Variants in GLT1D1 observed in about 807,000 individuals in gnomAD.
The protein encoded by GLT1D1 is glycosyltransferase 1 domain containing 1, also known as glycosyltransferase 1 domain-containing protein 1.
In GLT1D1, 21 loss-of-function variants were observed where a neutral mutation model predicts 28.7. The observed-to-expected ratio is 0.73, with a 90% CI of 0.52 to 1.05. The LOEUF is 1.05. GLT1D1 is among the 50% of genes least tolerant of loss of function. GLT1D1 has a pLI of 0.00. For missense variants in GLT1D1, 343 were observed against 330.6 expected (o/e 1.04, Z -0.29); for synonymous variants, 147 against 124.8 (o/e 1.18, Z -1.19).
At chr12:128,884,015 G>A (rs761591415) in intron 2 of GLT1D1, among the ~76,000 whole-genome samples, 12 of 152,022 alleles carry the variant, frequency 7.9e-5, no homozygotes, top group Admixed American at 1.3e-4. Context: ...ATATATCCTC[G>A]AAAAATGAAA....
At chr12:128,976,762 G>C (rs972998134) in intron 7 of GLT1D1, among the ~76,000 whole-genome samples, 23 of 152,158 alleles carry the variant, frequency 1.5e-4, no homozygotes, top group African/African-American at 5.6e-4. Context: ...TTTGCTTCTC[G>C]TGGAGGAGTT....
At chr12:128,892,242 C>G (rs1018350520) in intron 3 of GLT1D1, among the ~76,000 whole-genome samples, 1 of 151,996 alleles carries the variant, frequency 6.6e-6, no homozygotes, top group African/African-American at 2.4e-5. Flanking sequence ...ATTTGGGGGC[C>G]CAAGATATTT....
intron 7 of GLT1D1, among the ~76,000 whole-genome samples, chr12:128,976,640 C>T (rs1022462818): frequency 6.6e-6 from 1 of 152,182 alleles, no homozygotes; most frequent in East Asian, 1.9e-4. Context: ...GACTGTAGCT[C>T]ATCTTGGAAA....
At chr12:128,868,730 CATA>C (rs1256088279) in intron 1 of GLT1D1, among the ~76,000 whole-genome samples, 4 of 152,194 alleles carry the variant, frequency 2.6e-5, no homozygotes, top group Admixed American at 6.5e-5. Context: ...CGCCTAGAAG[CATA>C]ATGTGAGCCC....
intron 4 of GLT1D1, among the ~76,000 whole-genome samples, chr12:128,913,866 C>G (rs1871810587): frequency 6.6e-6 from 1 of 152,196 alleles, no homozygotes; most frequent in African/African-American, 2.4e-5. Flanking sequence ...ACATCAGTGT[C>G]CAGCTGGATA....
intron 2 of GLT1D1, among the ~76,000 whole-genome samples, chr12:128,887,986 T>C (rs1357306213): frequency 6.6e-6 from 1 of 151,154 alleles, no homozygotes. Flanking sequence ...GCTCATGAAA[T>C]GTTCATCAAG....
chr12:128,947,680 G>A (rs192493341), intron 6 of GLT1D1, among the ~76,000 whole-genome samples: 7 of 152,146 alleles, frequency 4.6e-5, no homozygotes, highest in Non-Finnish European at 1.0e-4. Flanking sequence ...AGCCAGCTAC[G>A]ATGTAAAATA....
intron 4 of GLT1D1, among the ~76,000 whole-genome samples, chr12:128,910,672 T>C (rs1216688063): frequency 6.8e-6 from 1 of 146,466 alleles, no homozygotes; most frequent in Non-Finnish European, 1.5e-5. Flanking sequence ...ATTTCAATGG[T>C]CGCCTTTAGC....
intron 4 of GLT1D1, among the ~76,000 whole-genome samples, chr12:128,913,370 C>T (rs1157325165): frequency 6.6e-6 from 1 of 152,062 alleles, no homozygotes; most frequent in Admixed American, 6.6e-5. Flanking sequence ...CAGGTGCCCC[C>T]CCACCACGCC....
chr12:128,956,171 A>AAAAAAAAAAAAAAAAG lies in GLT1D1; in HGVS notation c.541-1373_541-1372insAAAAAAAAAAAAAAGA, dbSNP rs374597920. Among the ~76,000 whole-genome samples, 400 of 63,738 alleles carry AAAAAAAAAAAAAAAAG rather than the reference A, an allele frequency of 6.3e-3. 11 individuals carry two copies. The highest frequency in any genetic ancestry group is 0.011 in the African/African-American group (247 of 22,178). 41.8% of individuals were successfully genotyped at this position (63,738 alleles called of 152,430 possible). A position where few individuals can be genotyped will look rare whatever the true frequency, so the allele number is the denominator to read the frequency against. ...GAGACTCCATCTCAAAAAAAAAAAA[A>AAAAAAAAAAAAAAAAG]AGAGAAAGAGAGAAAGAAAGAAAGA... On this transcript the variant is annotated intron_variant, in intron 6 of 7. Coordinates refer to ENST00000281703, the MANE Select transcript of GLT1D1 (RefSeq NM_144669.3).
chr12:128,953,993 G>T (rs1315409623), intron 6 of GLT1D1, among the ~76,000 whole-genome samples: 1 of 152,096 alleles, frequency 6.6e-6, no homozygotes, highest in African/African-American at 2.4e-5. Context: ...TGATTTGCCT[G>T]CCTTGGCCTC....
At chr12:128,944,646 T>C (rs1875778691) in intron 4 of GLT1D1, 1 of 735,374 alleles carries the variant, frequency 1.4e-6, no homozygotes, top group East Asian at 2.8e-5. Context: ...CAGCTTTATC[T>C]AGGGCTTCTG....
At chr12:128,892,895 A>T (rs765333694) in intron 3 of GLT1D1, among the ~76,000 whole-genome samples, 20 of 152,286 alleles carry the variant, frequency 1.3e-4, no homozygotes, top group Non-Finnish European at 2.4e-4. Context: ...CTAAATGAAG[A>T]GTATGTGAAA....
intron 4 of GLT1D1, among the ~76,000 whole-genome samples, chr12:128,936,674 G>A (rs1455340912): frequency 6.6e-6 from 1 of 152,116 alleles, no homozygotes; most frequent in Non-Finnish European, 1.5e-5. Context: ...TGCACATTTG[G>A]TTTGAGCATG....
Position 128,869,111 on chromosome 12 carries a change from C to T in GLT1D1, c.69-6803C>T, listed in dbSNP as rs562237941. Among the ~76,000 whole-genome samples the T allele has an allele frequency of 9.8e-5, 15 of 152,316 alleles. No individual in the cohort carries two copies. In the South Asian group the frequency reaches 1.9e-3, roughly 19 times the overall value. ...CTCGAACTCCTGACCTCAGTTGATC[C>T]GCCCGCCTTGGCCTCCCAGAGTGCT... On this transcript the variant is annotated intron_variant, in intron 1 of 7. Transcript: ENST00000281703.
chr12:128,865,436 A>T (rs1956489102), intron 1 of GLT1D1, among the ~76,000 whole-genome samples: 1 of 152,162 alleles, frequency 6.6e-6, no homozygotes, highest in Non-Finnish European at 1.5e-5. Context: ...CATGTCTATC[A>T]CCTTGAAGAC....
At chr12:128,942,158 G>C (rs1172515543) in intron 4 of GLT1D1, among the ~76,000 whole-genome samples, 1 of 151,518 alleles carries the variant, frequency 6.6e-6, no homozygotes, top group Non-Finnish European at 1.5e-5. Context: ...ACATCAGGCA[G>C]CAGGAAGGAA....
chr12:128,973,948 T>TG (rs1205417679), intron 7 of GLT1D1, among the ~76,000 whole-genome samples: 1,328 of 52,824 alleles, frequency 0.025, 43 homozygotes, highest in African/African-American at 0.073. Context: ...GGTGTGTGTG[T>TG]GTGGGGGGGG....
intron 1 of GLT1D1, among the ~76,000 whole-genome samples, chr12:128,868,456 G>A (rs985650274): frequency 2.6e-5 from 4 of 152,186 alleles, no homozygotes; most frequent in Admixed American, 6.5e-5. Flanking sequence ...GCAACACCCC[G>A]CCCAAAAGCG....
Sources: gnomAD v4.1 joint callset for allele counts (sites outside exome capture counted in the v4.1 genomes callset) on GRCh38, gnomAD v4.1.1 for gene constraint, MANE v1.5 for transcripts, NCBI Gene and HGNC (gene_info 2026-07-23, HGNC 2026-07-21) for gene names.